Variants in P2RY8 observed in about 807,000 individuals in gnomAD.
The protein encoded by P2RY8 is P2Y receptor family member 8, also known as S-geranylgeranyl-glutathione receptor P2RY8.
A neutral mutation model predicts 10.0 loss-of-function variants in P2RY8; 6 were observed. The ratio of observed to expected loss-of-function variants is 0.60; its 90% confidence interval spans 0.33 to 1.19. The LOEUF is 1.19. P2RY8 is among the 50% of genes most tolerant of loss of function. The pLI is 0.04. For synonymous variants in P2RY8, 276 were observed against 252.5 expected (o/e 1.09, Z -0.88); for missense variants, 456 against 542.0 (o/e 0.84, Z 1.58).
chrX:1,467,830 A>C lies in P2RY8; in HGVS notation c.-24-1248T>G, dbSNP rs184816931. Among the ~76,000 whole-genome samples the C allele has an allele frequency of 7.0e-3, 1,024 of 146,848 alleles. 15 individuals carry two copies. Among genetic ancestry groups the C allele is most frequent in the African/African-American group, 0.024 (963 of 39,524 alleles). On this transcript the variant is annotated intron_variant, in intron 1 of 1. Transcript: ENST00000381297. ...TAGTTGGGACTACAGGTGAGAGTAC[A>C]ACCACGCCCAGCTAATATTTTTATT...
chrX:1,510,405 G>T (rs1208954423), intron 1 of P2RY8, among the ~76,000 whole-genome samples: 1 of 152,118 alleles, frequency 6.6e-6, no homozygotes, highest in African/African-American at 2.4e-5. Context: ...GAAAACTGGT[G>T]AAGCTCGTCC....
At chrX:1,517,005 A>T (rs1199188452) in intron 1 of P2RY8, among the ~76,000 whole-genome samples, 1 of 152,126 alleles carries the variant, frequency 6.6e-6, no homozygotes, top group Non-Finnish European at 1.5e-5. Flanking sequence ...AGAGGAGATG[A>T]GGACACAGAC....
intron 1 of P2RY8, among the ~76,000 whole-genome samples, chrX:1,504,574 G>A (rs1248289443): frequency 1.3e-5 from 2 of 152,184 alleles, no homozygotes; most frequent in Non-Finnish European, 2.9e-5. Flanking sequence ...TGATCAGGCT[G>A]GGTGCAGTGG....
intron 1 of P2RY8, among the ~76,000 whole-genome samples, chrX:1,516,747 A>G (rs2092353847): frequency 6.6e-6 from 1 of 151,406 alleles, no homozygotes; most frequent in Admixed American, 6.6e-5. Flanking sequence ...ATGGACGAGA[A>G]CATCTCATAA....
intron 1 of P2RY8, among the ~76,000 whole-genome samples, chrX:1,495,237 A>G (rs2092104548): frequency 6.6e-6 from 1 of 151,934 alleles, no homozygotes; most frequent in African/African-American, 2.4e-5. Flanking sequence ...CTCAGTATAT[A>G]TTTTCTGAGT....
At chrX:1,523,894 T>C (rs1264219558) in intron 1 of P2RY8, among the ~76,000 whole-genome samples, 2 of 152,270 alleles carry the variant, frequency 1.3e-5, no homozygotes, top group African/African-American at 4.8e-5. Context: ...AAAAACCCTG[T>C]TGGCCAGGCT....
chrX:1,478,272 T>TGTGTGTGTGTGC (rs1318193075), intron 1 of P2RY8, among the ~76,000 whole-genome samples: 174 of 104,002 alleles, frequency 1.7e-3, no homozygotes, highest in African/African-American at 5.3e-3. Context: ...TGTGTGTGTG[T>TGTGTGTGTGTGC]GCCCAGCAGG....
Position 1,497,462 on chromosome X carries a change from A to G in P2RY8, c.-24-30880T>C, listed in dbSNP as rs748340661. 8.4e-3 allele frequency among the ~76,000 whole-genome samples: 1,273 copies of G among 151,642 alleles called. 19 individuals carry two copies. The highest frequency in any genetic ancestry group is 0.028 in the African/African-American group (1,171 of 41,304). On this transcript the variant is annotated intron_variant, in intron 1 of 1. Coordinates refer to ENST00000381297, the MANE Select transcript of P2RY8 (RefSeq NM_178129.5). The stretch of plus-strand genomic sequence containing the variant: ...CGCCTGAGGTTGGGAGTTTGAGACC[A>G]GCCTGGCCAAGACGGTGAAACCCTG...
chrX:1,531,241 C>T (rs1447066851), intron 1 of P2RY8, among the ~76,000 whole-genome samples: 7 of 152,110 alleles, frequency 4.6e-5, no homozygotes, highest in African/African-American at 7.2e-5. Flanking sequence ...AGCCCAGGGA[C>T]GCTGCTCTAC....
In P2RY8 at chrX:1,469,224, C is replaced by G. The variant is rs767999848; in HGVS notation, c.-24-2642G>C. Among the ~76,000 whole-genome samples the G allele has an allele frequency of 1.5e-4, 22 of 146,536 alleles. No individual in the cohort carries two copies. The Admixed American group carries it at 1.5e-3, about 10-fold the overall frequency. On this transcript the variant is annotated intron_variant, in intron 1 of 1. Transcript: ENST00000381297. ...TGTCATCCAGGCTGGAATGCAATGG[C>G]GTGATCTCGGCTCACTGCAACCTCT...
chrX:1,493,616 C>G (rs2092088376), intron 1 of P2RY8, among the ~76,000 whole-genome samples: 1 of 152,092 alleles, frequency 6.6e-6, no homozygotes, highest in Admixed American at 6.5e-5. Flanking sequence ...AAAATAAAAG[C>G]CAAAGACAGG....
intron 1 of P2RY8, among the ~76,000 whole-genome samples, chrX:1,528,492 C>T (rs1264377924): frequency 3.9e-5 from 6 of 152,230 alleles, no homozygotes; most frequent in Admixed American, 1.3e-4. Context: ...CATCCTCATA[C>T]GACATCTTCA....
intron 1 of P2RY8, among the ~76,000 whole-genome samples, chrX:1,533,338 AAT>A (rs1186408344): frequency 6.3e-4 from 93 of 147,730 alleles, no homozygotes; most frequent in African/African-American, 1.5e-3. Context: ...TGCCAAAAAT[AAT>A]ATATATATAT....
At chrX:1,530,654 C>G (rs2092468211) in intron 1 of P2RY8, among the ~76,000 whole-genome samples, 1 of 150,814 alleles carries the variant, frequency 6.6e-6, no homozygotes, top group Admixed American at 6.6e-5. Flanking sequence ...TCTCATCTAT[C>G]TATGTATCTC....
At position 1,512,645 on chromosome X, in the gene P2RY8, G is replaced by A. The variant is rs151248215; in HGVS notation, c.-25+24276C>T. On this transcript the variant is annotated intron_variant, in intron 1 of 1. Transcript: ENST00000381297. Reference sequence around the variant, plus strand: ...AGTTCCACATGGCTAGGGAGACCTCGCAATCATGGCGGAAGGCAAAGGAGG... The same window carrying A: ...AGTTCCACATGGCTAGGGAGACCTCACAATCATGGCGGAAGGCAAAGGAGG... Among the ~76,000 whole-genome samples, 210 of 151,704 alleles carry A rather than the reference G, an allele frequency of 1.4e-3. 3 individuals are homozygous for A. Among genetic ancestry groups the A allele is most frequent in the East Asian group, 0.013 (69 of 5,152 alleles).
chrX:1,506,968 G>A (rs9785714), intron 1 of P2RY8, among the ~76,000 whole-genome samples: 64,080 of 125,122 alleles, frequency 0.51, 15,855 homozygotes, highest in East Asian at 0.75. Context: ...GAGCCACCGC[G>A]CCCGGCCACT....
chrX:1,530,157 GATCTATCTATCT>G lies in P2RY8; in HGVS notation c.-25+6752_-25+6763del, dbSNP rs1179030530. 2.4e-3 allele frequency among the ~76,000 whole-genome samples: 101 copies of G among 42,560 alleles called. 1 individual carries two copies. The highest frequency in any genetic ancestry group is 4.9e-3 in the African/African-American group (97 of 19,662). 27.9% of individuals were successfully genotyped at this position (42,560 alleles called of 152,430 possible). Reference sequence around the variant, plus strand: ...TGTATGTATGTATGTATGTATGTATGATCTATCTATCTATCTATCTATCTATCTATCTATCTA... The same window carrying G: ...TGTATGTATGTATGTATGTATGTATGATCTATCTATCTATCTATCTATCTA... On this transcript the variant is annotated intron_variant, in intron 1 of 1. Transcript: ENST00000381297.
chrX:1,535,160 T>C (rs2092514523), intron 1 of P2RY8, among the ~76,000 whole-genome samples: 2 of 150,788 alleles, frequency 1.3e-5, no homozygotes, highest in Admixed American at 1.3e-4. Context: ...ATGAAAGTAC[T>C]GCTTTTCCAA....
chrX:1,536,515 G>C (rs2092528500), intron 1 of P2RY8, among the ~76,000 whole-genome samples: 1 of 150,936 alleles, frequency 6.6e-6, no homozygotes, highest in South Asian at 2.1e-4. Context: ...ACCCACCTCG[G>C]TCCCCCAAAG....
Sources: gnomAD v4.1 joint callset for allele counts (sites outside exome capture counted in the v4.1 genomes callset) on GRCh38, gnomAD v4.1.1 for gene constraint, MANE v1.5 for transcripts, NCBI Gene and HGNC (gene_info 2026-07-23, HGNC 2026-07-21) for gene names.